ZFR: variants seen among roughly 807,000 people sequenced by gnomAD.
ZFR encodes the protein zinc finger RNA-binding protein.
ZFR carries 19 observed loss-of-function variants against 130.7 expected under a neutral mutation model. That is an observed-to-expected ratio of 0.15 (90% CI 0.10 to 0.21). The LOEUF is 0.21. Ranked by LOEUF, ZFR falls within the 10% of genes least tolerant of loss-of-function variation. The pLI, the probability that ZFR is intolerant of heterozygous loss-of-function variation, is 1.00. For missense variants in ZFR, 872 were observed against 1,321.5 expected (o/e 0.66, Z 5.27); for synonymous variants, 466 against 456.9 (o/e 1.02, Z -0.25).
At chr5:32,376,099 C>T (rs575945653) in intron 17 of ZFR, among the ~76,000 whole-genome samples, 77 of 148,472 alleles carry the variant, frequency 5.2e-4, no homozygotes, top group Non-Finnish European at 1.0e-3. Flanking sequence ...GCCTCGGCCT[C>T]CTAAAGTGCT....
rs200564489 is a variant in ZFR at position 32,378,200 on chromosome 5, AT to A, written c.2835+914del. ...GCCCTCAAAAGCTTGACAACAATATATACAATGAGGTATAATAAGGATTTAA... is the reference window on the plus strand; with the variant it reads ...GCCCTCAAAAGCTTGACAACAATATAACAATGAGGTATAATAAGGATTTAA... On this transcript the variant is annotated intron_variant, in intron 17 of 19. Transcript: ENST00000265069. Among the ~76,000 whole-genome samples the A allele has an allele frequency of 7.8e-3, 1,181 of 152,348 alleles. 14 individuals are homozygous for A. The highest frequency in any genetic ancestry group is 0.027 in the African/African-American group (1,116 of 41,572).
intron 2 of ZFR, among the ~76,000 whole-genome samples, chr5:32,428,908 G>A (rs1449755158): frequency 6.7e-6 from 1 of 149,892 alleles, no homozygotes; most frequent in African/African-American, 2.4e-5. Context: ...GAAAGCAACA[G>A]CTCACAACTT....
At chr5:32,417,838 A>C in intron 3 of ZFR, 46 bp from the exon 4 acceptor site, 1 of 1,594,030 alleles carries the variant, frequency 6.3e-7, no homozygotes, top group Non-Finnish European at 8.6e-7. Context: ...GACAAGTGGA[A>C]GGAAAAAAAT....
chr5:32,379,840 TAAAAAAACCCCAACTAC>T, intron 16 of ZFR: 1 of 367,874 alleles, frequency 2.7e-6, no homozygotes, highest in South Asian at 7.0e-5. Context: ...AAATAAAAAA[TAAAAAAACCCCAACTAC>T]AAAACACTCC....
chr5:32,359,447 A>G (rs1752383372), intron 19 of ZFR, among the ~76,000 whole-genome samples: 1 of 152,160 alleles, frequency 6.6e-6, no homozygotes, highest in South Asian at 2.1e-4. Flanking sequence ...AGATATGCTA[A>G]TATCTATTTA....
Position 32,387,587 on chromosome 5 carries a change from A to G in ZFR, c.2461T>C (p.Leu821=). 4 of 1,613,566 alleles carry G rather than the reference A, an allele frequency of 2.5e-6. No homozygotes were observed. Among genetic ancestry groups the G allele is most frequent in the Non-Finnish European group, 3.4e-6 (4 of 1,179,646 alleles). ...GGTAGGTTTTCTGCAATACGGCTTA[A>G]TAATGTCTTTGAAGGTTTCTCTGAG... ...LCSEKPSKTL[L]SRIAENLPKQ... The change falls in exon 14 of 20, where the codon TTA becomes CTA. Residue 821 remains leucine, a synonymous_variant. Transcript: ENST00000265069.
chr5:32,404,683 A>C (rs1753539609), intron 6 of ZFR, among the ~76,000 whole-genome samples: 1 of 152,254 alleles, frequency 6.6e-6, no homozygotes, highest in Non-Finnish European at 1.5e-5. Context: ...TATTATAGTT[A>C]CATTAGCCAA....
intron 8 of ZFR, among the ~76,000 whole-genome samples, chr5:32,400,808 C>T (rs1045659904): frequency 2.0e-5 from 3 of 152,116 alleles, no homozygotes; most frequent in East Asian, 1.9e-4. Context: ...GAGCTGAGAT[C>T]GCACCACTGC....
At chr5:32,406,108 T>G (rs1753575628) in intron 6 of ZFR, among the ~76,000 whole-genome samples, 1 of 152,120 alleles carries the variant, frequency 6.6e-6, no homozygotes, top group Admixed American at 6.5e-5. Flanking sequence ...AGGCTGGGAG[T>G]TGAATCCATT....
chr5:32,376,267 A>G (rs1752805628), intron 17 of ZFR, among the ~76,000 whole-genome samples: 1 of 152,238 alleles, frequency 6.6e-6, no homozygotes. Flanking sequence ...AAATTAGAAT[A>G]TATCCTACCA....
At chr5:32,392,097 T>G (rs991128807) in intron 11 of ZFR, among the ~76,000 whole-genome samples, 3 of 152,218 alleles carry the variant, frequency 2.0e-5, no homozygotes. Flanking sequence ...TCTATGTTAT[T>G]TAGGCTTTGA....
chr5:32,406,733 T>A, intron 6 of ZFR, 41 bp downstream of exon 6: 1 of 1,575,630 alleles, frequency 6.3e-7, no homozygotes, highest in Non-Finnish European at 8.6e-7. Context: ...CTACACTTAA[T>A]AACCACTGAA....
At chr5:32,382,613 AT>A (rs886178269) in intron 15 of ZFR, among the ~76,000 whole-genome samples, 18 of 151,560 alleles carry the variant, frequency 1.2e-4, no homozygotes, top group South Asian at 8.4e-4. Context: ...ACCTATTGCA[AT>A]TTTTTTTTCT....
intron 19 of ZFR, among the ~76,000 whole-genome samples, chr5:32,360,829 A>C (rs1204452923): frequency 6.6e-6 from 1 of 151,996 alleles, no homozygotes; most frequent in Non-Finnish European, 1.5e-5. Flanking sequence ...TGGGCTCAAG[A>C]GATCCTCCCA....
intron 2 of ZFR, among the ~76,000 whole-genome samples, chr5:32,432,745 CT>C (rs1754252190): frequency 6.6e-6 from 1 of 151,902 alleles, no homozygotes; most frequent in African/African-American, 2.4e-5. Context: ...TCCATTTCTT[CT>C]TTTTATTTTT....
chr5:32,372,181 CATA>C (rs1752682123), intron 17 of ZFR, among the ~76,000 whole-genome samples: 1 of 152,190 alleles, frequency 6.6e-6, no homozygotes, highest in South Asian at 2.1e-4. Context: ...ATCCTCCAAT[CATA>C]TCTCACAGGG....
Position 32,444,219 on chromosome 5 carries a change from A to T in ZFR, c.137+10T>A, listed in dbSNP as rs546829760. ...AAGGGGCGAACAGAGAGAAGGCAGG[A>T]TGCCGTTACCTATATTGGGCCGCAG... On this transcript the variant is annotated intron_variant, in intron 2 of 19. Coordinates refer to ENST00000265069, the MANE Select transcript of ZFR (RefSeq NM_016107.5). The T allele has an allele frequency of 3.8e-6, 6 of 1,595,630 alleles. No homozygotes were observed. In the South Asian group the frequency reaches 6.8e-5, roughly 18 times the overall value.
chr5:32,389,566 C>T (rs575170050), intron 12 of ZFR, among the ~76,000 whole-genome samples: 5 of 152,222 alleles, frequency 3.3e-5, no homozygotes, highest in South Asian at 4.1e-4. Flanking sequence ...GCCTGTGTAC[C>T]GGCTACTCGG....
intron 2 of ZFR, among the ~76,000 whole-genome samples, chr5:32,437,585 T>G (rs926003190): frequency 6.6e-6 from 1 of 152,202 alleles, no homozygotes; most frequent in African/African-American, 2.4e-5. Flanking sequence ...CTTTAATAAG[T>G]AGACTAAAGA....
Sources: allele counts gnomAD v4.1 joint callset (sites outside exome capture counted in the v4.1 genomes callset), GRCh38; gene constraint gnomAD v4.1.1; transcripts MANE v1.5; gene names NCBI Gene and HGNC (gene_info 2026-07-23, HGNC 2026-07-21).